The following EIF2S3 variants were observed in gnomAD, a reference collection of about 807,000 sequenced individuals.
EIF2S3 encodes eukaryotic translation initiation factor 2 subunit 3.
A neutral mutation model predicts 31.7 loss-of-function variants in EIF2S3; 2 were observed. That is an observed-to-expected ratio of 0.06 (90% CI 0.03 to 0.20). The LOEUF (loss-of-function observed/expected upper bound fraction) is 0.20, where lower values mean the gene tolerates loss of function less well. EIF2S3 is among the 10% of genes least tolerant of loss of function. The pLI is 1.00. For synonymous variants in EIF2S3, 120 were observed against 126.7 expected (o/e 0.95, Z 0.36); for missense variants, 96 against 359.3 (o/e 0.27, Z 5.92).
intron 2 of EIF2S3, 133 bp from the exon 3 acceptor site, chrX:24,057,288 C>T: frequency 2.4e-6 from 2 of 841,282 alleles, no homozygotes; most frequent in Non-Finnish European, 3.3e-6. Context: ...CTCGGCCTCC[C>T]AAAGTGCTGG....
At chrX:24,055,098 C>T (rs959392259) in intron 1 of EIF2S3, 61 bp downstream of exon 1, 3 of 1,136,378 alleles carry the variant, frequency 2.6e-6, no homozygotes, top group Admixed American at 4.4e-5. Flanking sequence ...CCGAGCCTCC[C>T]GGTGGTATTG....
At chrX:24,062,841 A>G (rs1188744617) in intron 6 of EIF2S3, among the ~76,000 whole-genome samples, 1 of 111,918 alleles carries the variant, frequency 8.9e-6, no homozygotes, top group Non-Finnish European at 1.9e-5. Context: ...ATCAGATTAA[A>G]AAAAATCTCA....
At chrX:24,070,441 T>TG (rs1569280077) in intron 9 of EIF2S3, among the ~76,000 whole-genome samples, 2 of 70,557 alleles carry the variant, frequency 2.8e-5, no homozygotes, top group Non-Finnish European at 5.2e-5. Flanking sequence ...CATATGTAGT[T>TG]TTTTTTTTTT....
At chrX:24,062,365 G>A in intron 5 of EIF2S3, 51 bp from the exon 6 acceptor site, 1 of 1,149,511 alleles carries the variant, frequency 8.7e-7, no homozygotes, top group Admixed American at 2.8e-5. Flanking sequence ...CGCCTATTCT[G>A]GATATTTCCA....
intron 11 of EIF2S3, among the ~76,000 whole-genome samples, chrX:24,074,750 A>C (rs1277491229): frequency 9.2e-6 from 1 of 108,603 alleles, no homozygotes; most frequent in Non-Finnish European, 1.9e-5. Flanking sequence ...GTTATGATCC[A>C]TCACTGTCTT....
chrX:24,055,641 A>G lies in EIF2S3; in HGVS notation c.96A>G (p.Ser32=). 1.7e-6 allele frequency: 2 copies of G among 1,211,768 alleles called. No homozygotes were observed. The highest frequency in any genetic ancestry group is 2.2e-6 in the Non-Finnish European group (2 of 895,240). The change falls in exon 2 of 12, where the codon TCA becomes TCG. Residue 32 remains serine, a synonymous_variant. Coordinates refer to ENST00000253039, the MANE Select transcript of EIF2S3 (RefSeq NM_001415.4). ...TLDVTKLTPL[S]HEVISRQATI... ...ATGTTACCAAGTTGACGCCACTTTC[A>G]CACGAAGTTATCAGCAGACAAGCCA...
chrX:24,072,656 G>A (rs1930689899), intron 10 of EIF2S3, among the ~76,000 whole-genome samples: 1 of 111,586 alleles, frequency 9.0e-6, no homozygotes, highest in Non-Finnish European at 1.9e-5. Context: ...TGTTGGCAAA[G>A]ATTGAGGAAA....
chrX:24,068,134 T>A (rs779667762), intron 9 of EIF2S3, 26 bp downstream of exon 9: 1 of 1,159,063 alleles, frequency 8.6e-7, no homozygotes, highest in South Asian at 2.1e-5. Context: ...TCATCTCTTT[T>A]AATTTGTGGC....
chrX:24,059,149 A>T (rs913505453), intron 4 of EIF2S3, among the ~76,000 whole-genome samples: 2 of 112,437 alleles, frequency 1.8e-5, no homozygotes, highest in Non-Finnish European at 3.7e-5. Context: ...AAATATTTTC[A>T]GCTTTGCAAG....
intron 5 of EIF2S3, among the ~76,000 whole-genome samples, chrX:24,060,975 A>G (rs1445294018): frequency 2.6e-5 from 2 of 77,214 alleles, no homozygotes; most frequent in Admixed American, 1.7e-4. Context: ...AAAAAAAGCG[A>G]CTGGGCATGG....
At position 24,069,640 on chromosome X, in the gene EIF2S3, A is replaced by G. The variant is rs190567140; in HGVS notation, c.1012+1532A>G. Among the ~76,000 whole-genome samples, 6 of 105,902 alleles carry G rather than the reference A, an allele frequency of 5.7e-5. No individual in the cohort carries two copies. In the East Asian group the frequency reaches 1.7e-3, roughly 31 times the overall value. The allele number at this position is 105,902 out of a possible 115,157, so 92.0% of individuals were successfully genotyped here. A position where few individuals can be genotyped will look rare whatever the true frequency, so the allele number is the denominator to read the frequency against. ...TGCATGTGTGTGGTAAACAAGGGAA[A>G]TCTGGAAACTTTTTAAAAATTTAAC... On this transcript the variant is annotated intron_variant, in intron 9 of 11. Coordinates refer to ENST00000253039, the MANE Select transcript of EIF2S3 (RefSeq NM_001415.4).
At chrX:24,075,675 T>C (rs970066886) in intron 11 of EIF2S3, among the ~76,000 whole-genome samples, 3 of 111,489 alleles carry the variant, frequency 2.7e-5, no homozygotes, top group Admixed American at 9.7e-5. Context: ...TTAGACTGTT[T>C]TGTGCCCTAA....
chrX:24,076,482 C>T (rs1481789839), intron 11 of EIF2S3, among the ~76,000 whole-genome samples: 2 of 111,219 alleles, frequency 1.8e-5, no homozygotes, highest in African/African-American at 6.5e-5. Context: ...TGCAGTGAGC[C>T]GAGATCGTAC....
At chrX:24,060,252 A>T in intron 5 of EIF2S3, 70 bp downstream of exon 5, 1 of 929,159 alleles carries the variant, frequency 1.1e-6, no homozygotes, top group Non-Finnish European at 1.6e-6. Context: ...TTAAAGGGGA[A>T]CTAAGGCCTT....
intron 6 of EIF2S3, among the ~76,000 whole-genome samples, chrX:24,063,023 C>T (rs996028682): frequency 1.8e-5 from 2 of 111,563 alleles, no homozygotes; most frequent in Non-Finnish European, 3.8e-5. Context: ...GCAGGTGGAT[C>T]ATCTGAGGTC....
In EIF2S3 at chrX:24,057,728, G is replaced by A. The variant is rs373616711; in HGVS notation, c.357G>A (p.Gly119=). ...ACGAGTTTCCTACGGACATTCCAGG[G>A]ACCAAAGGGAACTTCAAATTAGTCA... ...TPDEFPTDIP[G]TKGNFKLVRH... is the part of the protein sequence containing the mutation. Residue 119 remains glycine, a synonymous_variant, in exon 4 of 12, where the codon GGG becomes GGA. Coordinates refer to ENST00000253039, the MANE Select transcript of EIF2S3 (RefSeq NM_001415.4). 3.3e-6 allele frequency: 4 copies of A among 1,207,893 alleles called. No homozygotes were observed. The African/African-American group carries it at 7.0e-5, about 21-fold the overall frequency.
intron 9 of EIF2S3, among the ~76,000 whole-genome samples, chrX:24,069,750 GTAT>G (rs1930636645): frequency 1.1e-5 from 1 of 88,506 alleles, no homozygotes; most frequent in Non-Finnish European, 2.1e-5. Flanking sequence ...GAGTGCAGTA[GTAT>G]TATCTCGGCT....
rs141284175 is a variant in EIF2S3, at chrX:24,064,937, A to G, written c.772+602A>G. On this transcript the variant is annotated intron_variant, in intron 7 of 11. Coordinates refer to ENST00000253039, the MANE Select transcript of EIF2S3 (RefSeq NM_001415.4). ...TGGAATCATAATGTTTTAGGGTGTT[A>G]GAACTTCCTGACTAAAACATTTACA... Among the ~76,000 whole-genome samples, 1,001 of 112,210 alleles carry G rather than the reference A, an allele frequency of 8.9e-3. 17 individuals are homozygous for G. Among genetic ancestry groups the G allele is most frequent in the African/African-American group, 0.03 (933 of 30,913 alleles).
intron 7 of EIF2S3, among the ~76,000 whole-genome samples, chrX:24,064,889 A>G: frequency 8.9e-6 from 1 of 112,221 alleles, no homozygotes; most frequent in Non-Finnish European, 1.9e-5. Context: ...CATGATCAAG[A>G]TGGAGTAATA....
Sources: allele counts gnomAD v4.1 joint callset (sites outside exome capture counted in the v4.1 genomes callset), GRCh38; gene constraint gnomAD v4.1.1; transcripts MANE v1.5; gene names NCBI Gene and HGNC (gene_info 2026-07-23, HGNC 2026-07-21).